The following DLG1 variants were observed in gnomAD, a reference collection of about 807,000 sequenced individuals.
The protein encoded by DLG1 is discs large MAGUK scaffold protein 1, also known as disks large homolog 1.
DLG1 carries 42 observed loss-of-function variants against 123.4 expected under a neutral mutation model. That is an observed-to-expected ratio of 0.34 (90% CI 0.27 to 0.44). The LOEUF is 0.44. DLG1 is among the 20% of genes least tolerant of loss of function. The probability of loss-of-function intolerance (pLI) is 1.00; values close to 1 mark genes in which losing one functional copy is unlikely to be tolerated. For synonymous variants in DLG1, 317 were observed against 356.2 expected (o/e 0.89, Z 1.24); for missense variants, 942 against 1,082.6 (o/e 0.87, Z 1.82).
rs770144997 is a variant in DLG1 at position 197,161,723 on chromosome 3, G to A, written c.484-11927C>T. On this transcript the variant is annotated intron_variant, in intron 5 of 24. Coordinates refer to ENST00000667157, the MANE Select transcript of DLG1 (RefSeq NM_001366207.1). ...ACAGGGACAGTGGGAGGAGAGGGAA[G>A]AACAGCTTCTGTTGGCTAAAAATCA... 1 of 1,552,492 alleles carries A rather than the reference G, an allele frequency of 6.4e-7. No homozygotes were observed. Among genetic ancestry groups the A allele is most frequent in the Admixed American group, 2.0e-5 (1 of 50,572 alleles).
intron 3 of DLG1, among the ~76,000 whole-genome samples, chr3:197,284,427 T>C (rs1770830929): frequency 6.6e-6 from 1 of 152,212 alleles, no homozygotes; most frequent in African/African-American, 2.4e-5. Context: ...TTGCCAAATT[T>C]ACTACCTAGT....
intron 5 of DLG1, among the ~76,000 whole-genome samples, chr3:197,178,753 G>T (rs1808483522): frequency 1.3e-5 from 2 of 152,154 alleles, no homozygotes; most frequent in African/African-American, 4.8e-5. Context: ...TTAGAGGAGG[G>T]AGTAATCAAT....
At chr3:197,239,903 G>A (rs1026650139) in intron 4 of DLG1, among the ~76,000 whole-genome samples, 5 of 148,290 alleles carry the variant, frequency 3.4e-5, no homozygotes, top group African/African-American at 1.2e-4. Context: ...CATCCATGAT[G>A]TCCCTCCCCT....
intron 5 of DLG1, among the ~76,000 whole-genome samples, chr3:197,194,138 A>C (rs1376118773): frequency 6.6e-6 from 1 of 152,182 alleles, no homozygotes; most frequent in Non-Finnish European, 1.5e-5. Context: ...CAAGTGTCTG[A>C]AAATATTTCA....
intron 24 of DLG1, among the ~76,000 whole-genome samples, chr3:197,048,199 A>G (rs1724746351): frequency 6.6e-6 from 1 of 152,216 alleles, no homozygotes; most frequent in East Asian, 1.9e-4. Flanking sequence ...GGCTGGGTGC[A>G]GTGGCTCACG....
chr3:197,108,012 C>T (rs1348919162), intron 13 of DLG1, among the ~76,000 whole-genome samples: 2 of 152,020 alleles, frequency 1.3e-5, no homozygotes, highest in Non-Finnish European at 2.9e-5. Flanking sequence ...ATTTAGTGTT[C>T]TTATCATGAA....
chr3:197,069,272 G>A lies in DLG1; in HGVS notation c.2006-12C>T. On this transcript the variant is annotated splice_polypyrimidine_tract_variant and intron_variant, in intron 18 of 24. Transcript: ENST00000667157. Reference sequence around the variant, plus strand: ...AGAAGTTACATGCTCTGAAATTGCAGGACAATGAAAAAAAATAAAACAGTG... The same window carrying A: ...AGAAGTTACATGCTCTGAAATTGCAAGACAATGAAAAAAAATAAAACAGTG... The A allele has an allele frequency of 6.4e-7, 1 of 1,571,582 alleles. No homozygotes were observed.
At chr3:197,251,307 C>A (rs338200) in intron 4 of DLG1, among the ~76,000 whole-genome samples, 1 of 151,730 alleles carries the variant, frequency 6.6e-6, no homozygotes, top group African/African-American at 2.4e-5. Context: ...AGAAAAAAAA[C>A]CCTAAAAATT....
intron 11 of DLG1, among the ~76,000 whole-genome samples, chr3:197,124,113 C>G (rs1334339968): frequency 1.3e-5 from 2 of 152,158 alleles, no homozygotes; most frequent in East Asian, 3.9e-4. Context: ...GGCATGCTAT[C>G]CTAGACACTT....
At chr3:197,128,984 C>T (rs1369018082) in intron 11 of DLG1, among the ~76,000 whole-genome samples, 1 of 152,200 alleles carries the variant, frequency 6.6e-6, no homozygotes, top group African/African-American at 2.4e-5. Context: ...ACAGAACAGG[C>T]AGACAGGCTT....
intron 17 of DLG1, 115 bp from the exon 18 acceptor site, chr3:197,076,800 T>A (rs543586737): frequency 3.4e-5 from 18 of 534,868 alleles, no homozygotes; most frequent in Non-Finnish European, 5.6e-5. Context: ...GCAGTTTGTA[T>A]ATGATTTTTA....
chr3:197,075,581 TA>T (rs1479841732), intron 18 of DLG1, among the ~76,000 whole-genome samples: 2 of 152,018 alleles, frequency 1.3e-5, no homozygotes, highest in African/African-American at 4.8e-5. Flanking sequence ...GTAACTGTCG[TA>T]AAAATTACAA....
chr3:197,147,438 A>G (rs1000762518), intron 6 of DLG1, among the ~76,000 whole-genome samples: 15 of 45,444 alleles, frequency 3.3e-4, no homozygotes, highest in African/African-American at 4.2e-4. Flanking sequence ...GTGTGCACAC[A>G]CACACACACA....
intron 11 of DLG1, among the ~76,000 whole-genome samples, chr3:197,127,926 C>T (rs1275138432): frequency 6.6e-6 from 1 of 151,624 alleles, no homozygotes; most frequent in African/African-American, 2.4e-5. Context: ...AAAAAAAAAC[C>T]GCTAGCAATC....
At chr3:197,089,463 G>C (rs1022694874) in intron 15 of DLG1, among the ~76,000 whole-genome samples, 5 of 151,644 alleles carry the variant, frequency 3.3e-5, no homozygotes, top group Non-Finnish European at 7.4e-5. Flanking sequence ...GGAGGTTGAG[G>C]CTACAGTGAG....
At chr3:197,061,111 G>A (rs141400386) in intron 22 of DLG1, among the ~76,000 whole-genome samples, 9 of 152,258 alleles carry the variant, frequency 5.9e-5, no homozygotes, top group African/African-American at 2.2e-4. Context: ...GCCCCATAAT[G>A]CAACTTCTAA....
chr3:197,255,945 A>G (rs970581791), intron 4 of DLG1, among the ~76,000 whole-genome samples: 4 of 152,182 alleles, frequency 2.6e-5, no homozygotes, highest in African/African-American at 9.7e-5. Flanking sequence ...CAGAAAAAAT[A>G]ATGATGATGA....
intron 11 of DLG1, among the ~76,000 whole-genome samples, chr3:197,120,910 G>C (rs1235856015): frequency 6.6e-6 from 1 of 152,058 alleles, no homozygotes; most frequent in Non-Finnish European, 1.5e-5. Context: ...GTCTTTCCTG[G>C]GTGGTCAGTA....
intron 4 of DLG1, chr3:197,260,308 T>C: frequency 2.3e-6 from 1 of 431,614 alleles, no homozygotes; most frequent in Non-Finnish European, 4.6e-6. Flanking sequence ...ATTACAATAT[T>C]TTATACATAA....
Sources: allele counts gnomAD v4.1 joint callset (sites outside exome capture counted in the v4.1 genomes callset), GRCh38; gene constraint gnomAD v4.1.1; transcripts MANE v1.5; gene names NCBI Gene and HGNC (gene_info 2026-07-23, HGNC 2026-07-21).